The following DUOX2 variants were observed in gnomAD, a reference collection of about 807,000 sequenced individuals.
DUOX2 encodes dual oxidase 2.
DUOX2 carries 185 observed loss-of-function variants against 183.3 expected under a neutral mutation model. That is an observed-to-expected ratio of 1.01 (90% confidence interval 0.90 to 1.14). DUOX2 has a LOEUF of 1.14. DUOX2 is among the 50% of genes most tolerant of loss of function. DUOX2 has a pLI of 0.00. For synonymous variants in DUOX2, 788 were observed against 812.4 expected (o/e 0.97, Z 0.51); for missense variants, 1,999 against 2,022.9 (o/e 0.99, Z 0.23).
intron 20 of DUOX2, 107 bp from the exon 21 acceptor site, chr15:45,102,096 C>A: frequency 1.4e-6 from 2 of 1,396,182 alleles, no homozygotes; most frequent in South Asian, 1.2e-5. Context: ...ACCAGTGACC[C>A]GGGAAATGGC....
At position 45,093,757 on chromosome 15, in the gene DUOX2, G is replaced by A. The variant is rs1566970239; in HGVS notation, c.*393C>T. 1 of 265,454 alleles carries A rather than the reference G, an allele frequency of 3.8e-6. No individual in the cohort carries two copies. The highest frequency in any genetic ancestry group is 7.5e-6 in the Non-Finnish European group (1 of 133,080). The allele number at this position is 265,454 out of a possible 1,614,324, so 16.4% of individuals were successfully genotyped here. The stretch of plus-strand genomic sequence containing the variant: ...ATTGTACCTTTTCACCTCCACACTT[G>A]TCACAAGCAGGGACTGTCTCCTCCC... On this transcript the variant is annotated 3_prime_UTR_variant, in exon 34 of 34. Transcript: ENST00000389039.
chr15:45,110,858 C>T (rs1346180750), intron 7 of DUOX2, 148 bp from the exon 8 acceptor site: 24 of 1,179,264 alleles, frequency 2.0e-5, no homozygotes, highest in Non-Finnish European at 2.8e-5. Context: ...AGTGTGAGGC[C>T]TGTCCCCACA....
intron 28 of DUOX2, 53 bp downstream of exon 28, chr15:45,097,561 C>T: frequency 6.2e-7 from 1 of 1,613,954 alleles, no homozygotes; most frequent in East Asian, 2.2e-5. Context: ...TTTCACCTTC[C>T]TGTCCCATCC....
intron 1 of DUOX2, 142 bp from the exon 2 acceptor site, chr15:45,113,567 C>G (rs1894514460): frequency 1.4e-6 from 1 of 699,876 alleles, no homozygotes; most frequent in Non-Finnish European, 2.5e-6. Context: ...CTGTTAGAAG[C>G]ATCACCGAGG....
Position 45,108,244 on chromosome 15 carries a change from G to A in DUOX2, c.1399-22C>T, listed in dbSNP as rs201859667. 274 of 1,613,640 alleles carry A rather than the reference G, an allele frequency of 1.7e-4. No individual in the cohort carries two copies. In the African/African-American group the frequency reaches 3.4e-3, roughly 20 times the overall value. On this transcript the variant is annotated intron_variant, in intron 12 of 33. Coordinates refer to ENST00000389039, the MANE Select transcript of DUOX2 (RefSeq NM_001363711.2). ...GCACCTGGGGCACCACAGGAGATAA[G>A]GGGTGAGCGTATGTTTGCTGCGGAG...
Position 45,107,411 on chromosome 15 carries a change from C to A in DUOX2, c.1627G>T (p.Val543Leu), listed in dbSNP as rs765474223. Reference sequence around the variant, plus strand: ...TCAATGTTGATAACAGCGACCAGCACGTCCCGCAGGGTGGTATTTCGGATG... The same window carrying A: ...TCAATGTTGATAACAGCGACCAGCAAGTCCCGCAGGGTGGTATTTCGGATG... ...EDIRNTTLRD[V>L]LVAVINIDPS... Residue 543 changes from valine (V) to leucine (L), a missense_variant, in exon 14 of 34, where the codon GTG becomes TTG. Val to Leu is a conservative substitution (Grantham distance 32, BLOSUM62 1). Coordinates refer to ENST00000389039, the MANE Select transcript of DUOX2 (RefSeq NM_001363711.2). 8.1e-6 allele frequency: 13 copies of A among 1,614,104 alleles called. No homozygotes were observed. The highest frequency in any genetic ancestry group is 1.1e-5 in the Non-Finnish European group (13 of 1,180,056).
chr15:45,098,063 G>A lies in DUOX2; in HGVS notation c.3516-5C>T. The A allele has an allele frequency of 6.2e-7, 1 of 1,614,096 alleles. No individual in the cohort carries two copies. Among genetic ancestry groups the A allele is most frequent in the East Asian group, 2.2e-5 (1 of 44,880 alleles). ...AACTTCTGGGGAAGCTTGGACCTGG[G>A]GGGCAAAGGCACCTTGAGCCTCTGA... On this transcript the variant is annotated splice_region_variant and splice_polypyrimidine_tract_variant and intron_variant, in intron 26 of 33. Transcript: ENST00000389039.
chr15:45,096,120 C>T, intron 29 of DUOX2, 60 bp from the exon 30 acceptor site: 1 of 1,431,300 alleles, frequency 7.0e-7, no homozygotes. Flanking sequence ...TACCTGAGGA[C>T]TGATAGGCAC....
At chr15:45,102,093 A>C (rs1894099167) in intron 20 of DUOX2, 104 bp from the exon 21 acceptor site, 1 of 1,434,870 alleles carries the variant, frequency 7.0e-7, no homozygotes, top group Admixed American at 1.9e-5. Flanking sequence ...GTTACCAGTG[A>C]CCCGGGAAAT....
In DUOX2 at chr15:45,110,431, A is replaced by T. The variant is rs375264413; in HGVS notation, c.1037T>A (p.Met346Lys). 1 of 1,613,466 alleles carries T rather than the reference A, an allele frequency of 6.2e-7. No individual in the cohort carries two copies. The highest frequency in any genetic ancestry group is 1.1e-5 in the South Asian group (1 of 91,032). ...FSTMVPPGVYMRNASCHFRKV... is the reference protein window; with the variant it reads ...FSTMVPPGVYKRNASCHFRKV... The stretch of plus-strand genomic sequence containing the variant: ...TCTCTGCCAACCCCTCCCTCACCTC[A>T]TGTAGACACCAGGGGGCACCATGGT... The change falls in exon 9 of 34, where the codon ATG becomes AAG. Residue 346 changes from methionine to lysine, a missense_variant. Transcript: ENST00000389039.
Position 45,111,817 on chromosome 15 carries a change from C to T in DUOX2, c.464G>A (p.Ser155Asn), listed in dbSNP as rs2141158170. 1 of 1,612,866 alleles carries T rather than the reference C, an allele frequency of 6.2e-7. No homozygotes were observed. The highest frequency in any genetic ancestry group is 2.2e-5 in the East Asian group (1 of 44,842). ...CCGTCCGGTCTCGGGGTCCCAGCGGCTCCTCTGGAAGGGCAGCACCACGTC... is the reference window on the plus strand; with the variant it reads ...CCGTCCGGTCTCGGGGTCCCAGCGGTTCCTCTGGAAGGGCAGCACCACGTC... ...RGDVVLPFQR[S>N]RWDPETGRSP... The change falls in exon 5 of 34, where the codon AGC becomes AAC. Residue 155 changes from serine (S) to asparagine (N), a missense_variant. Ser to Asn is a conservative substitution (Grantham distance 46, BLOSUM62 1). Around this residue, in one of 3 missense-constraint regions of DUOX2, gnomAD observed 356 missense variants for 356.4 expected, o/e 1.00. Transcript: ENST00000389039.
At chr15:45,094,463 T>C in intron 33 of DUOX2, 100 bp downstream of exon 33, 1 of 1,537,584 alleles carries the variant, frequency 6.5e-7, no homozygotes, top group South Asian at 1.2e-5. Flanking sequence ...GGCAATCGGG[T>C]GGAGTTCTCT....
Position 45,094,926 on chromosome 15 carries a change from C to A in DUOX2, c.4395+10G>T, listed in dbSNP as rs762155286. ...CGCCAAGTTGCCCTGCCTGGCGGGC[C>A]CTGACATACTAGCATGGTGGTCCTG... On this transcript the variant is annotated intron_variant, in intron 32 of 33. Transcript: ENST00000389039. 6.8e-6 allele frequency: 11 copies of A among 1,613,660 alleles called. No individual in the cohort carries two copies. In the African/African-American group the frequency reaches 8.0e-5, roughly 12 times the overall value.
At chr15:45,097,766 T>C in intron 27 of DUOX2, 25 bp from the exon 28 acceptor site, 8 of 1,614,080 alleles carry the variant, frequency 5.0e-6, no homozygotes, top group Middle Eastern at 3.3e-4. Flanking sequence ...ACAGGGCCAG[T>C]GAGTAGTCTC....
Position 45,100,183 on chromosome 15 carries a change from C to T in DUOX2, c.3051G>A (p.Glu1017=). The T allele has an allele frequency of 1.9e-6, 3 of 1,614,114 alleles. No individual in the cohort carries two copies. Among genetic ancestry groups the T allele is most frequent in the South Asian group, 1.1e-5 (1 of 91,084 alleles). ...TPRLYTEALQ[E]KMQRGFLAQK... The stretch of plus-strand genomic sequence containing the variant: ...GGGCTAGGAAGCCTCGCTGCATCTT[C>T]TCTTGCAGCGCCTCTGTGTACAGCC... The change falls in exon 24 of 34, where the codon GAG becomes GAA. Residue 1017 remains glutamate, a synonymous_variant. Coordinates refer to ENST00000389039, the MANE Select transcript of DUOX2 (RefSeq NM_001363711.2).
Position 45,097,627 on chromosome 15 carries a change from A to G in DUOX2, c.3680T>C (p.Leu1227Pro). ...GAAGTCCCTCACCAGGGCATAGAGC[A>G]GGATGTAGAGGTGGTGGGTCAGCCA... is the stretch of plus-strand genomic sequence containing the variant. ...GFWLTHHLYILLYALLIIHGS... is the reference protein window; with the variant it reads ...GFWLTHHLYIPLYALLIIHGS... The change falls in exon 28 of 34, where the codon CTG (leucine) becomes CCG (proline). Residue 1227 changes from leucine (L) to proline (P), a missense_variant. Physicochemically the swap from Leu to Pro is moderately conservative, Grantham distance 98. Around this residue, in one of 3 missense-constraint regions of DUOX2, gnomAD observed 1,628 missense variants for 1,608.6 expected, o/e 1.01. Transcript: ENST00000389039. 6.2e-7 allele frequency: 1 copy of G among 1,614,238 alleles called. No homozygotes were observed. The highest frequency in any genetic ancestry group is 1.1e-5 in the South Asian group (1 of 91,088).
intron 10 of DUOX2, 102 bp from the exon 11 acceptor site, chr15:45,109,728 C>T: frequency 7.3e-7 from 1 of 1,365,854 alleles, no homozygotes. Flanking sequence ...CTTGGCCAGT[C>T]CCAGACTCTC....
intron 12 of DUOX2, 148 bp downstream of exon 12, chr15:45,108,641 A>C (rs756296950): frequency 2.9e-5 from 27 of 918,482 alleles, no homozygotes; most frequent in Non-Finnish European, 4.4e-5. Flanking sequence ...TGATTTACCA[A>C]CTATGTCATC....
chr15:45,104,515 G>T, intron 18 of DUOX2, 150 bp from the exon 19 acceptor site: 1 of 1,121,622 alleles, frequency 8.9e-7, no homozygotes, highest in Non-Finnish European at 1.3e-6. Context: ...ACTGACTGGG[G>T]CCTCTGTTGT....
Sources: allele counts gnomAD v4.1 joint callset, GRCh38; gene constraint gnomAD v4.1.1; regional missense constraint gnomAD v4.1.1; transcripts MANE v1.5; gene names NCBI Gene and HGNC (gene_info 2026-07-23, HGNC 2026-07-21).